Variants in MCU observed in about 807,000 individuals in gnomAD.
The protein encoded by MCU is mitochondrial calcium uniporter.
A neutral mutation model predicts 45.2 loss-of-function variants in MCU; 12 were observed. The ratio of observed to expected loss-of-function variants is 0.27; its 90% CI spans 0.17 to 0.43. The LOEUF is 0.43. Among genes scored for constraint, MCU ranks in the 20% least tolerant of loss-of-function variants. The probability of loss-of-function intolerance (pLI) is 1.00; values close to 1 mark genes in which losing one functional copy is unlikely to be tolerated. For synonymous variants in MCU, 160 were observed against 165.1 expected, an observed-to-expected ratio of 0.97 and a Z score of 0.24; for missense variants, 324 against 436.7, an observed-to-expected ratio of 0.74 and a Z score of 2.30.
At chr10:72,720,478 A>C (rs1204897320) in intron 1 of MCU, among the ~76,000 whole-genome samples, 2 of 150,120 alleles carry the variant, frequency 1.3e-5, no homozygotes, top group Non-Finnish European at 2.9e-5. Flanking sequence ...TAGCCCTTTC[A>C]CTTTGCAGAT....
intron 1 of MCU, among the ~76,000 whole-genome samples, chr10:72,810,461 CTTTTTTTTTTTTTTT>C (rs751918414): frequency 1.4e-5 from 1 of 73,408 alleles, no homozygotes; most frequent in South Asian, 4.7e-4. Context: ...ATTATGTTGC[CTTTTTTTTTTTTTTT>C]TTTTTTTTTT....
chr10:72,781,900 G>T (rs906705030), intron 1 of MCU, among the ~76,000 whole-genome samples: 1 of 152,096 alleles, frequency 6.6e-6, no homozygotes, highest in Non-Finnish European at 1.5e-5. Flanking sequence ...GACAAAACAA[G>T]GACACTGTGC....
chr10:72,778,671 T>C (rs1470894593), intron 1 of MCU, among the ~76,000 whole-genome samples: 1 of 152,170 alleles, frequency 6.6e-6, no homozygotes, highest in Non-Finnish European at 1.5e-5. Flanking sequence ...ATAATTAAAA[T>C]GTCCCACAGG....
At chr10:72,814,360 A>C (rs570924656) in intron 1 of MCU, among the ~76,000 whole-genome samples, 1 of 152,116 alleles carries the variant, frequency 6.6e-6, no homozygotes, top group Non-Finnish European at 1.5e-5. Context: ...CAATTCTTTC[A>C]CACTGCTGAC....
chr10:72,813,617 C>T (rs566728509), intron 1 of MCU, among the ~76,000 whole-genome samples: 26 of 152,052 alleles, frequency 1.7e-4, no homozygotes, highest in Non-Finnish European at 3.5e-4. Flanking sequence ...CACCACCACA[C>T]CTGGCTAATT....
At chr10:72,817,677 T>TA (rs1474152242) in intron 1 of MCU, among the ~76,000 whole-genome samples, 1 of 152,232 alleles carries the variant, frequency 6.6e-6, no homozygotes, top group East Asian at 1.9e-4. Flanking sequence ...CTCAAACTCT[T>TA]AGGCTCAAGC....
intron 1 of MCU, among the ~76,000 whole-genome samples, chr10:72,793,921 G>A (rs1377270364): frequency 6.6e-6 from 1 of 152,158 alleles, no homozygotes; most frequent in Non-Finnish European, 1.5e-5. Flanking sequence ...ACTGTGAGCT[G>A]AGCATGTGAG....
chr10:72,746,740 C>T (rs1164140732), intron 1 of MCU, among the ~76,000 whole-genome samples: 1 of 152,098 alleles, frequency 6.6e-6, no homozygotes, highest in Non-Finnish European at 1.5e-5. Flanking sequence ...TAATTGCTTC[C>T]ATGGAAGGTA....
intron 6 of MCU, 63 bp downstream of exon 6, chr10:72,871,643 T>C: frequency 7.0e-7 from 1 of 1,421,696 alleles, no homozygotes; most frequent in Non-Finnish European, 9.9e-7. Context: ...GTCAAAAGAG[T>C]TCTTTTTTCT....
chr10:72,723,927 A>C (rs933106828), intron 1 of MCU, among the ~76,000 whole-genome samples: 7 of 152,240 alleles, frequency 4.6e-5, no homozygotes, highest in African/African-American at 1.7e-4. Flanking sequence ...CATCTTTAAA[A>C]GTCCATCTGT....
At chr10:72,861,209 A>G (rs533674764) in intron 4 of MCU, among the ~76,000 whole-genome samples, 1 of 151,856 alleles carries the variant, frequency 6.6e-6, no homozygotes, top group South Asian at 2.1e-4. Flanking sequence ...TTCTTTTTGT[A>G]GAGATGAAGT....
chr10:72,717,006 G>C (rs1303954219), intron 1 of MCU, among the ~76,000 whole-genome samples: 1 of 152,104 alleles, frequency 6.6e-6, no homozygotes, highest in Non-Finnish European at 1.5e-5. Flanking sequence ...TGAAATCAGA[G>C]GGTAGGTCTC....
chr10:72,858,195 G>C (rs965134790), intron 2 of MCU, among the ~76,000 whole-genome samples: 2 of 152,158 alleles, frequency 1.3e-5, no homozygotes, highest in Non-Finnish European at 2.9e-5. Context: ...TACATACTCA[G>C]TACGCTATAG....
At chr10:72,829,839 A>G (rs1844854089) in intron 1 of MCU, among the ~76,000 whole-genome samples, 1 of 152,216 alleles carries the variant, frequency 6.6e-6, no homozygotes, top group Non-Finnish European at 1.5e-5. Flanking sequence ...AAAAGGCAAG[A>G]GCAAAATAAT....
At chr10:72,723,867 CT>C (rs1436688641) in intron 1 of MCU, among the ~76,000 whole-genome samples, 1 of 152,168 alleles carries the variant, frequency 6.6e-6, no homozygotes, top group Non-Finnish European at 1.5e-5. Flanking sequence ...TCACCATGTT[CT>C]TTTACACTCA....
At chr10:72,840,513 G>A (rs909693960) in intron 2 of MCU, among the ~76,000 whole-genome samples, 2 of 152,140 alleles carry the variant, frequency 1.3e-5, no homozygotes, top group Non-Finnish European at 2.9e-5. Context: ...GTTAGTAACT[G>A]TTGTACACAG....
intron 2 of MCU, among the ~76,000 whole-genome samples, chr10:72,845,431 G>T (rs1480294343): frequency 6.6e-6 from 1 of 152,124 alleles, no homozygotes; most frequent in Non-Finnish European, 1.5e-5. Context: ...TGCATGTACT[G>T]AATAACAACA....
At chr10:72,787,975 C>T (rs901994308) in intron 1 of MCU, among the ~76,000 whole-genome samples, 9 of 152,144 alleles carry the variant, frequency 5.9e-5, no homozygotes, top group African/African-American at 1.9e-4. Context: ...CCTCGGCCTC[C>T]CAAAGTGCTG....
chr10:72,802,130 A>G (rs1844352583), intron 1 of MCU, among the ~76,000 whole-genome samples: 1 of 152,158 alleles, frequency 6.6e-6, no homozygotes, highest in Non-Finnish European at 1.5e-5. Context: ...GACAACAGGC[A>G]TTTCCTGCTG....
Sources: allele counts gnomAD v4.1 joint callset (sites outside exome capture counted in the v4.1 genomes callset), GRCh38; gene constraint gnomAD v4.1.1; transcripts MANE v1.5; gene names NCBI Gene and HGNC (gene_info 2026-07-23, HGNC 2026-07-21).